PKN2: variants seen among roughly 807,000 people sequenced by gnomAD.
The protein encoded by PKN2 is protein kinase N2.
In PKN2, 38 loss-of-function variants were observed where a neutral mutation model predicts 119.1. The ratio of observed to expected loss-of-function variants is 0.32; its 90% CI spans 0.25 to 0.42. PKN2 has a LOEUF of 0.42. Among genes scored for constraint, PKN2 ranks in the 10% least tolerant of loss-of-function variants. PKN2 has a pLI of 1.00. For missense variants in PKN2, 850 were observed against 1,165.1 expected (o/e 0.73, Z 3.94); for synonymous variants, 390 against 384.9 (o/e 1.01, Z -0.15).
intron 3 of PKN2, among the ~76,000 whole-genome samples, chr1:88,762,820 A>T (rs778737786): frequency 1.5e-4 from 23 of 152,216 alleles, no homozygotes; most frequent in Non-Finnish European, 3.1e-4. Context: ...TTTAATAAAA[A>T]ATTACTTTTT....
rs1670075752 is a variant in PKN2 at position 88,775,908 on chromosome 1, A to G, written c.985+4029A>G. Among the ~76,000 whole-genome samples the G allele has an allele frequency of 6.6e-5, 10 of 151,976 alleles. No homozygotes were observed. The South Asian group carries it at 2.1e-3, about 32-fold the overall frequency. On this transcript the variant is annotated intron_variant, in intron 6 of 21. Transcript: ENST00000370521. ...ATCACGAGGTCAGAAGATCGAGACC[A>G]TCCTGGCTAACATGGTGAAACCTCA...
Position 88,822,009 on chromosome 1 carries a change from T to C in PKN2, c.2342+6T>C. The C allele has an allele frequency of 6.5e-7, 1 of 1,528,518 alleles. No individual in the cohort carries two copies. Among genetic ancestry groups the C allele is most frequent in the Non-Finnish European group, 8.8e-7 (1 of 1,139,000 alleles). 94.7% of individuals were successfully genotyped at this position (1,528,518 alleles called of 1,614,324 possible). The stretch of plus-strand genomic sequence containing the variant: ...GAACACAAAATTGTTTATAGGTAAG[T>C]TAATTTTTAATTTTTTCTAATGGCT... On this transcript the variant is annotated splice_donor_region_variant and intron_variant, in intron 17 of 21. Transcript: ENST00000370521.
chr1:88,757,593 TGCAGTTTAG>T (rs1421487866), intron 2 of PKN2, among the ~76,000 whole-genome samples: 1 of 152,110 alleles, frequency 6.6e-6, no homozygotes, highest in East Asian at 1.9e-4. Flanking sequence ...TAAAGTAACT[TGCAGTTTAG>T]GCAGTTTTCC....
At position 88,760,335 on chromosome 1, in the gene PKN2, G is replaced by A; in HGVS notation, c.463G>A (p.Ala155Thr). ...LDIELKVKQGAENMIQMYSNG... is the reference protein window; with the variant it reads ...LDIELKVKQGTENMIQMYSNG... ...TATAGAACTTAAAGTAAAACAAGGT[G>A]CAGAGAATATGATACAGATGTATTC... is the stretch of plus-strand genomic sequence containing the variant. The change falls in exon 3 of 22, where the codon GCA becomes ACA. Residue 155 changes from alanine (A) to threonine (T), a missense_variant. Ala to Thr is a moderately conservative substitution (Grantham distance 58, BLOSUM62 0). This residue lies in a region of PKN2 where 350 missense variants were observed against 511.1 expected (regional missense o/e 0.68). Transcript: ENST00000370521. 1.9e-6 allele frequency: 3 copies of A among 1,570,952 alleles called. No homozygotes were observed. Among genetic ancestry groups the A allele is most frequent in the Non-Finnish European group, 2.6e-6 (3 of 1,143,032 alleles).
Position 88,826,333 on chromosome 1 carries a change from G to A in PKN2, c.2419+1947G>A, listed in dbSNP as rs150803837. 2.3e-3 allele frequency among the ~76,000 whole-genome samples: 346 copies of A among 148,808 alleles called. 2 individuals carry two copies. Among genetic ancestry groups the A allele is most frequent in the African/African-American group, 6.9e-3 (267 of 38,422 alleles). ...AGCTAACAACTTTTGAGTGCTTACC[G>A]TGTGCCAAGAATTTTGCTTCATATG... On this transcript the variant is annotated intron_variant, in intron 18 of 21. Coordinates refer to ENST00000370521, the MANE Select transcript of PKN2 (RefSeq NM_006256.4).
chr1:88,756,877 A>C (rs1669228164), intron 2 of PKN2, among the ~76,000 whole-genome samples: 1 of 152,138 alleles, frequency 6.6e-6, no homozygotes, highest in African/African-American at 2.4e-5. Context: ...AATCTTCACT[A>C]TAATCCTGTG....
chr1:88,752,505 A>G (rs188707370), intron 2 of PKN2, among the ~76,000 whole-genome samples: 4 of 152,236 alleles, frequency 2.6e-5, no homozygotes, highest in Admixed American at 6.5e-5. Flanking sequence ...AACTGTCAGT[A>G]TTAAAATTTC....
At chr1:88,765,674 C>T (rs1053982971) in intron 3 of PKN2, among the ~76,000 whole-genome samples, 2 of 152,138 alleles carry the variant, frequency 1.3e-5, no homozygotes, top group African/African-American at 2.4e-5. Flanking sequence ...TTGTTGTCGT[C>T]GTCGTCGTTA....
chr1:88,689,947 G>A (rs1446255290), intron 1 of PKN2, among the ~76,000 whole-genome samples: 2 of 152,204 alleles, frequency 1.3e-5, no homozygotes, highest in East Asian at 3.8e-4. Flanking sequence ...CTACCACAAT[G>A]TTTGTAATTT....
rs201842272 is a variant in PKN2 at position 88,748,460 on chromosome 1, AATGTACT to A, written c.349+7175_349+7181del. 8.5e-3 allele frequency among the ~76,000 whole-genome samples: 1,288 copies of A among 152,302 alleles called. 19 individuals carry two copies. The highest frequency in any genetic ancestry group is 0.03 in the African/African-American group (1,232 of 41,560). On this transcript the variant is annotated intron_variant, in intron 2 of 21. Coordinates refer to ENST00000370521, the MANE Select transcript of PKN2 (RefSeq NM_006256.4). ...TTCCTGAGTAATAGTTGATTGTATA[AATGTACT>A]ATAATTTATCCATTCACAAAGAACG...
At chr1:88,778,928 T>G (rs1442377943) in intron 6 of PKN2, among the ~76,000 whole-genome samples, 1 of 152,176 alleles carries the variant, frequency 6.6e-6, no homozygotes, top group African/African-American at 2.4e-5. Context: ...TTTCACCATG[T>G]TAGCCAGGAT....
chr1:88,805,726 C>G (rs554111949), intron 11 of PKN2, 55 bp downstream of exon 11: 4 of 1,603,028 alleles, frequency 2.5e-6, no homozygotes, highest in East Asian at 4.5e-5. Context: ...GACATTCTTA[C>G]GTACTGATTA....
At chr1:88,787,754 G>A (rs1457705704) in intron 8 of PKN2, among the ~76,000 whole-genome samples, 1 of 152,142 alleles carries the variant, frequency 6.6e-6, no homozygotes, top group Non-Finnish European at 1.5e-5. Context: ...TCCCACTTTG[G>A]AATAATGCTC....
chr1:88,807,608 A>AG lies in PKN2; in HGVS notation c.2010+4_2010+5insG. On this transcript the variant is annotated splice_donor_region_variant and intron_variant, in intron 14 of 21. Coordinates refer to ENST00000370521, the MANE Select transcript of PKN2 (RefSeq NM_006256.4). ...GGGAAGAGGACATTTTGGAAAGGTA[A>AG]TCTTTTTGGAATTTTTTGGAATATC... 6.2e-7 allele frequency: 1 copy of AG among 1,604,818 alleles called. No individual in the cohort carries two copies. The highest frequency in any genetic ancestry group is 1.7e-5 in the Admixed American group (1 of 59,334).
At chr1:88,810,608 TTATC>T (rs542615267) in intron 15 of PKN2, among the ~76,000 whole-genome samples, 152 of 152,252 alleles carry the variant, frequency 1.0e-3, no homozygotes, top group African/African-American at 3.6e-3. Context: ...CTAGTATACT[TTATC>T]TATATATTTT....
chr1:88,804,750 GTAAC>G, intron 9 of PKN2, 92 bp from the exon 10 acceptor site: 2 of 779,802 alleles, frequency 2.6e-6, no homozygotes, highest in East Asian at 2.7e-5. Flanking sequence ...GGACTAAACT[GTAAC>G]TAAGATTCTC....
At chr1:88,741,883 A>C (rs1668592281) in intron 2 of PKN2, among the ~76,000 whole-genome samples, 1 of 152,130 alleles carries the variant, frequency 6.6e-6, no homozygotes, top group African/African-American at 2.4e-5. Context: ...ATAATTTTTA[A>C]ACAATAGAAT....
At chr1:88,792,271 G>A (rs1190871439) in intron 8 of PKN2, among the ~76,000 whole-genome samples, 1 of 152,128 alleles carries the variant, frequency 6.6e-6, no homozygotes, top group South Asian at 2.1e-4. Flanking sequence ...GGACATAGTG[G>A]CGCATGCCTG....
At chr1:88,725,469 T>C (rs893345906) in intron 1 of PKN2, among the ~76,000 whole-genome samples, 1 of 152,234 alleles carries the variant, frequency 6.6e-6, no homozygotes. Context: ...ACATCTATTA[T>C]TGTGGTTTTA....
Sources: gnomAD v4.1 joint callset for allele counts (sites outside exome capture counted in the v4.1 genomes callset) on GRCh38, gnomAD v4.1.1 for gene constraint, gnomAD v4.1.1 regional missense constraint, MANE v1.5 for transcripts, NCBI Gene and HGNC (gene_info 2026-07-23, HGNC 2026-07-21) for gene names.